DOK6: variants seen among roughly 807,000 people sequenced by gnomAD.
DOK6 encodes downstream of tyrosine kinase 6.
In DOK6, 22 loss-of-function variants were observed where a neutral mutation model predicts 44.0. The ratio of observed to expected loss-of-function variants is 0.50; its 90% CI spans 0.36 to 0.71. The LOEUF (loss-of-function observed/expected upper bound fraction) is 0.71. Among genes scored for constraint, DOK6 ranks in the 30% least tolerant of loss-of-function variants. DOK6 has a pLI of 0.00. For synonymous variants in DOK6, 166 were observed against 145.5 expected (o/e 1.14, Z -1.01); for missense variants, 340 against 416.4 (o/e 0.82, Z 1.60).
chr18:69,419,607 G>A (rs1187907334), intron 1 of DOK6, among the ~76,000 whole-genome samples: 1 of 152,068 alleles, frequency 6.6e-6, no homozygotes, highest in Non-Finnish European at 1.5e-5. Flanking sequence ...TATCTGGTAG[G>A]TTTTTCTTCA....
chr18:69,481,350 T>A (rs1421213779), intron 1 of DOK6, among the ~76,000 whole-genome samples: 1 of 152,066 alleles, frequency 6.6e-6, no homozygotes, highest in Non-Finnish European at 1.5e-5. Flanking sequence ...ATTACATATA[T>A]CTCCTAATGC....
At chr18:69,457,478 G>C (rs1568264303) in intron 1 of DOK6, among the ~76,000 whole-genome samples, 1 of 152,054 alleles carries the variant, frequency 6.6e-6, no homozygotes, top group Non-Finnish European at 1.5e-5. Flanking sequence ...TTTCTATTAT[G>C]TTCCACTGGT....
At chr18:69,443,662 G>C (rs1979197954) in intron 1 of DOK6, among the ~76,000 whole-genome samples, 1 of 152,088 alleles carries the variant, frequency 6.6e-6, no homozygotes, top group Non-Finnish European at 1.5e-5. Flanking sequence ...TCTCTTACTT[G>C]TATCTCCGGC....
At chr18:69,510,149 T>C (rs1599165775) in intron 1 of DOK6, among the ~76,000 whole-genome samples, 1 of 152,336 alleles carries the variant, frequency 6.6e-6, no homozygotes, top group South Asian at 2.1e-4. Flanking sequence ...AGTTTGAATA[T>C]TCTTGAAACA....
intron 6 of DOK6, among the ~76,000 whole-genome samples, chr18:69,757,423 T>A (rs67236957): frequency 0.1 from 15,165 of 152,288 alleles, 787 homozygotes; most frequent in Middle Eastern, 0.15. Context: ...ATAATTCTTG[T>A]CCATAGAAAT....
intron 1 of DOK6, among the ~76,000 whole-genome samples, chr18:69,467,485 G>C (rs1176095247): frequency 6.6e-6 from 1 of 152,050 alleles, no homozygotes; most frequent in African/African-American, 2.4e-5. Flanking sequence ...AATATGAGTG[G>C]CTTTAGGTTT....
intron 7 of DOK6, among the ~76,000 whole-genome samples, chr18:69,772,873 TAAAGA>T (rs1979929579): frequency 1.3e-5 from 2 of 151,764 alleles, no homozygotes; most frequent in African/African-American, 4.8e-5. Context: ...AACTGCACAG[TAAAGA>T]AAACAATAAA....
intron 1 of DOK6, among the ~76,000 whole-genome samples, chr18:69,412,723 A>G (rs1452475031): frequency 6.6e-6 from 1 of 152,162 alleles, no homozygotes; most frequent in Non-Finnish European, 1.5e-5. Context: ...CCAAAATTTG[A>G]GTCTCTTTCC....
chr18:69,738,828 A>T, intron 5 of DOK6, 137 bp from the exon 6 acceptor site: 2 of 1,048,160 alleles, frequency 1.9e-6, no homozygotes, highest in Non-Finnish European at 2.8e-6. Flanking sequence ...TGGTTTGGTT[A>T]CGGCTGAATC....
intron 1 of DOK6, among the ~76,000 whole-genome samples, chr18:69,510,078 A>C (rs1185082338): frequency 3.9e-5 from 6 of 152,216 alleles, no homozygotes; most frequent in Non-Finnish European, 7.3e-5. Flanking sequence ...CTTTGCTAGG[A>C]GACTAATGCT....
At chr18:69,765,780 G>A (rs1470833264) in intron 7 of DOK6, among the ~76,000 whole-genome samples, 4 of 151,934 alleles carry the variant, frequency 2.6e-5, no homozygotes, top group Non-Finnish European at 5.9e-5. Flanking sequence ...GTGATTTTTG[G>A]GCAATTTACT....
intron 1 of DOK6, among the ~76,000 whole-genome samples, chr18:69,466,098 G>C (rs931035094): frequency 1.8e-4 from 27 of 152,270 alleles, no homozygotes; most frequent in African/African-American, 6.5e-4. Context: ...ATGCTGTACA[G>C]TAGATTTTGT....
At chr18:69,691,029 T>G (rs1986252809) in intron 4 of DOK6, among the ~76,000 whole-genome samples, 1 of 151,578 alleles carries the variant, frequency 6.6e-6, no homozygotes, top group African/African-American at 2.4e-5. Context: ...TACTAAAAAT[T>G]CAAACATTAG....
chr18:69,595,104 T>C (rs1236553246), intron 2 of DOK6, among the ~76,000 whole-genome samples: 1 of 152,110 alleles, frequency 6.6e-6, no homozygotes, highest in African/African-American at 2.4e-5. Flanking sequence ...GATGAAAGAA[T>C]TGAACAAATG....
chr18:69,629,472 A>G lies in DOK6; in HGVS notation c.289+29974A>G, dbSNP rs186608803. ...TTCTGACAGGCTCTTTTGCTCCGAC[A>G]TCTTCCTCTCTTCCTGCATCTGGCA... On this transcript the variant is annotated intron_variant, in intron 3 of 7. Coordinates refer to ENST00000382713, the MANE Select transcript of DOK6 (RefSeq NM_152721.6). 2.1e-3 allele frequency among the ~76,000 whole-genome samples: 320 copies of G among 152,340 alleles called. 3 individuals carry two copies. The highest frequency in any genetic ancestry group is 7.3e-3 in the African/African-American group (305 of 41,580).
intron 1 of DOK6, among the ~76,000 whole-genome samples, chr18:69,417,516 C>T (rs1978371348): frequency 6.6e-6 from 1 of 152,020 alleles, no homozygotes; most frequent in South Asian, 2.1e-4. Flanking sequence ...AATACTGCTG[C>T]AATAAATATG....
intron 4 of DOK6, among the ~76,000 whole-genome samples, chr18:69,697,108 G>A (rs945374144): frequency 4.1e-4 from 62 of 151,010 alleles, no homozygotes; most frequent in African/African-American, 1.3e-3. Context: ...AGCTATCATG[G>A]TTATGTTAAT....
At chr18:69,764,290 G>A (rs191879704) in intron 7 of DOK6, among the ~76,000 whole-genome samples, 2 of 152,276 alleles carry the variant, frequency 1.3e-5, no homozygotes, top group African/African-American at 4.8e-5. Context: ...CAATGAGCAG[G>A]TTTATGGGAC....
rs551676741 is a variant in DOK6 at position 69,625,373 on chromosome 18, C to A, written c.289+25875C>A. ...TTGCTTAGGTTCTCTGGTGATGCACCTTGGGAGGGTAACTTCCCTGAAATC... is the reference window on the plus strand; with the variant it reads ...TTGCTTAGGTTCTCTGGTGATGCACATTGGGAGGGTAACTTCCCTGAAATC... On this transcript the variant is annotated intron_variant, in intron 3 of 7. Transcript: ENST00000382713. Among the ~76,000 whole-genome samples, 3 of 152,162 alleles carry A rather than the reference C, an allele frequency of 2.0e-5. No individual in the cohort carries two copies. In the East Asian group the frequency reaches 5.8e-4, roughly 29 times the overall value.
Sources: allele counts gnomAD v4.1 joint callset (sites outside exome capture counted in the v4.1 genomes callset), GRCh38; gene constraint gnomAD v4.1.1; transcripts MANE v1.5; gene names NCBI Gene and HGNC (gene_info 2026-07-23, HGNC 2026-07-21).